The following CALM2 variants were observed in gnomAD, a reference collection of about 807,000 sequenced individuals.
The protein encoded by CALM2 is calmodulin 2, also known as calmodulin-2.
Under a neutral mutation model 19.8 loss-of-function variants are expected in CALM2, and 2 were observed. That is an observed-to-expected ratio of 0.10 (90% CI 0.04 to 0.32). The LOEUF is 0.32. Ranked by LOEUF, CALM2 falls within the 10% of genes least tolerant of loss-of-function variation. The pLI is 1.00. For missense variants in CALM2, 38 were observed against 178.7 expected (o/e 0.21, Z 4.49); for synonymous variants, 51 against 52.1 (o/e 0.98, Z 0.09).
chr2:47,170,956 TTAA>T, intron 1 of CALM2, 192 bp from the exon 2 acceptor site: 2 of 572,624 alleles, frequency 3.5e-6, no homozygotes, highest in South Asian at 4.6e-5. Context: ...AACTCCAAGT[TTAA>T]GATATACAAA....
intron 1 of CALM2, chr2:47,172,749 T>A (rs566496577): frequency 3.0e-5 from 6 of 198,924 alleles, no homozygotes; most frequent in African/African-American, 1.4e-4. Flanking sequence ...TGTGTGAAAG[T>A]TGAAGGATCC....
intron 1 of CALM2, 61 bp downstream of exon 1, chr2:47,176,380 C>T (rs1308263683): frequency 6.3e-7 from 1 of 1,598,562 alleles, no homozygotes; most frequent in Admixed American, 1.7e-5. Flanking sequence ...TTTGTTTAGT[C>T]AGTTCGCTCC....
chr2:47,172,301 TC>T (rs1666695277), intron 1 of CALM2: 12 of 361,790 alleles, frequency 3.3e-5, no homozygotes, highest in South Asian at 2.6e-4. Context: ...AGCATCAAGT[TC>T]TGAGTCACAG....
Position 47,176,498 on chromosome 2 carries a change from T to C in CALM2, c.-55A>G. On this transcript the variant is annotated 5_prime_UTR_variant, in exon 1 of 6. Transcript: ENST00000272298. ...GACCACACAACCACTCAGCTCGCTCTCTCCACTCGGACTAATTCGCCTCCT... is the reference window on the plus strand; with the variant it reads ...GACCACACAACCACTCAGCTCGCTCCCTCCACTCGGACTAATTCGCCTCCT... 4 of 1,610,740 alleles carry C rather than the reference T, an allele frequency of 2.5e-6. No individual in the cohort carries two copies. The highest frequency in any genetic ancestry group is 4.5e-5 in the East Asian group (2 of 44,578).
upstream of CALM2, chr2:47,176,768 C>T: frequency 1.0e-6 from 1 of 985,446 alleles, no homozygotes; most frequent in African/African-American, 1.7e-5. Flanking sequence ...AGGGGCGCTA[C>T]TTTGCGGCGC....
intron 2 of CALM2, among the ~76,000 whole-genome samples, chr2:47,169,123 T>C (rs1216538330): frequency 1.3e-5 from 2 of 152,152 alleles, no homozygotes; most frequent in African/African-American, 4.8e-5. Flanking sequence ...CCATCAACTA[T>C]GCAATGGCAC....
intron 2 of CALM2, among the ~76,000 whole-genome samples, chr2:47,170,484 G>C (rs900387435): frequency 6.6e-6 from 1 of 152,074 alleles, no homozygotes; most frequent in African/African-American, 2.4e-5. Context: ...ACACCACAAG[G>C]CTCCAAAGTA....
intron 5 of CALM2, 30 bp downstream of exon 5, chr2:47,161,693 A>G: frequency 6.3e-7 from 1 of 1,584,270 alleles, no homozygotes; most frequent in Non-Finnish European, 8.6e-7. Context: ...AATCAAAGTG[A>G]AGAATGAGGC....
rs1309840729 is a variant in CALM2 at position 47,162,674 on chromosome 2, A to G, written c.35-12T>C. 3.8e-6 allele frequency: 6 copies of G among 1,580,052 alleles called. No individual in the cohort carries two copies. In the African/African-American group the frequency reaches 4.1e-5, roughly 11 times the overall value. On this transcript the variant is annotated splice_polypyrimidine_tract_variant and intron_variant, in intron 2 of 5. Coordinates refer to ENST00000272298, the MANE Select transcript of CALM2 (RefSeq NM_001743.6). Reference sequence around the variant, plus strand: ...AGCTTCTTTGAATTCTGTTTGAAAGAAAGACCACAATCCAAATACACAGAT... The same window carrying G: ...AGCTTCTTTGAATTCTGTTTGAAAGGAAGACCACAATCCAAATACACAGAT...
At chr2:47,175,081 G>GTTTTTT (rs563702873) in intron 1 of CALM2, among the ~76,000 whole-genome samples, 4,335 of 77,856 alleles carry the variant, frequency 0.056, 280 homozygotes, top group Non-Finnish European at 0.065. Context: ...CTCATTAGGT[G>GTTTTTT]TTTTTTTTTT....
At chr2:47,175,075 T>C (rs936918552) in intron 1 of CALM2, among the ~76,000 whole-genome samples, 2 of 112,734 alleles carry the variant, frequency 1.8e-5, no homozygotes, top group African/African-American at 7.7e-5. Context: ...ACCGCCCTCA[T>C]TAGGTGTTTT....
intron 1 of CALM2, 115 bp from the exon 2 acceptor site, chr2:47,170,879 C>A: frequency 2.5e-6 from 2 of 810,676 alleles, no homozygotes; most frequent in South Asian, 1.4e-5. Flanking sequence ...TTAGTTCCAG[C>A]AACAAACACA....
At chr2:47,169,777 T>C (rs1666607795) in intron 2 of CALM2, among the ~76,000 whole-genome samples, 1 of 152,162 alleles carries the variant, frequency 6.6e-6, no homozygotes, top group Non-Finnish European at 1.5e-5. Context: ...AAATGGGCTA[T>C]ATAGTTCCAA....
chr2:47,172,153 A>G (rs982232214), intron 1 of CALM2: 19 of 191,334 alleles, frequency 9.9e-5, no homozygotes, highest in Non-Finnish European at 2.1e-4. Context: ...TACCCAAGGA[A>G]TAAGGTTTAA....
chr2:47,161,291 T>C (rs771756746), intron 5 of CALM2, among the ~76,000 whole-genome samples: 1 of 152,220 alleles, frequency 6.6e-6, no homozygotes, highest in African/African-American at 2.4e-5. Flanking sequence ...TTGAAGCACA[T>C]GTAAACTTCA....
chr2:47,164,250 AAAGAAG>A (rs199725191), intron 2 of CALM2, among the ~76,000 whole-genome samples: 5 of 77,756 alleles, frequency 6.4e-5, no homozygotes, highest in Non-Finnish European at 1.4e-4. Context: ...AAAAAAAAAA[AAAGAAG>A]AAAAAGAAAA....
chr2:47,167,321 A>T (rs1666507301), intron 2 of CALM2, among the ~76,000 whole-genome samples: 1 of 152,232 alleles, frequency 6.6e-6, no homozygotes, highest in South Asian at 2.1e-4. Flanking sequence ...AACTAATGAC[A>T]TCATGGCAGA....
chr2:47,170,434 A>G (rs1666629306), intron 2 of CALM2, among the ~76,000 whole-genome samples: 1 of 152,102 alleles, frequency 6.6e-6, no homozygotes, highest in Non-Finnish European at 1.5e-5. Flanking sequence ...CCTGTTTTAT[A>G]CTAAGGTAGT....
At chr2:47,169,040 C>T (rs1301745859) in intron 2 of CALM2, among the ~76,000 whole-genome samples, 1 of 151,814 alleles carries the variant, frequency 6.6e-6, no homozygotes, top group African/African-American at 2.4e-5. Context: ...TCCCAAAGTG[C>T]TGGAATTACA....
Sources: gnomAD v4.1 joint callset for allele counts (sites outside exome capture counted in the v4.1 genomes callset) on GRCh38, gnomAD v4.1.1 for gene constraint, MANE v1.5 for transcripts, NCBI Gene and HGNC (gene_info 2026-07-23, HGNC 2026-07-21) for gene names.